Variants in CDC123 observed in about 807,000 individuals in gnomAD.
The protein encoded by CDC123 is cell division cycle 123.
CDC123 carries 37 observed loss-of-function variants against 54.4 expected under a neutral mutation model. That is an observed-to-expected ratio of 0.68 (90% CI 0.52 to 0.89). The LOEUF is 0.89. CDC123 is among the 40% of genes least tolerant of loss of function. The pLI, the probability that CDC123 is intolerant of heterozygous loss-of-function variation, is 0.00. For synonymous variants in CDC123, 144 were observed against 136.8 expected, an observed-to-expected ratio of 1.05 and a Z score of -0.37; for missense variants, 361 against 412.1, an observed-to-expected ratio of 0.88 and a Z score of 1.07.
intron 10 of CDC123, chr10:12,245,917 A>C (rs1473366892): frequency 2.7e-6 from 1 of 375,430 alleles, no homozygotes; most frequent in South Asian, 4.7e-5. Flanking sequence ...AGAAAATACA[A>C]AAATTAGCTG....
intron 6 of CDC123, among the ~76,000 whole-genome samples, chr10:12,230,561 CTG>C (rs1156895722): frequency 6.6e-6 from 1 of 152,164 alleles, no homozygotes; most frequent in African/African-American, 2.4e-5. Context: ...AGTGGGGTAT[CTG>C]TTCCACTCAA....
chr10:12,249,890 G>T, intron 12 of CDC123, 172 bp downstream of exon 12: 1 of 832,786 alleles, frequency 1.2e-6, no homozygotes, highest in Non-Finnish European at 1.8e-6. Flanking sequence ...AGGAGCTGAA[G>T]GCATAATTTA....
chr10:12,227,388 G>C (rs1249275310), intron 6 of CDC123, among the ~76,000 whole-genome samples: 1 of 152,082 alleles, frequency 6.6e-6, no homozygotes, highest in East Asian at 1.9e-4. Flanking sequence ...CTGGTCTATT[G>C]TTCTCTTACA....
chr10:12,244,664 T>A (rs1372128433), intron 10 of CDC123: 1 of 113,786 alleles, frequency 8.8e-6, no homozygotes, highest in Non-Finnish European at 1.9e-5. Context: ...TTTTTTTTTT[T>A]ACGTCCCCTT....
rs374983987 is a variant in CDC123 at position 12,196,207 on chromosome 10, G to C, written c.-39G>C. 4.1e-5 allele frequency: 66 copies of C among 1,613,580 alleles called. No homozygotes were observed. The highest frequency in any genetic ancestry group is 5.3e-5 in the Non-Finnish European group (62 of 1,179,952). Reference sequence around the variant, plus strand: ...GCGCCCAGAGTTCCGGGAGGGTGCAGGCAGGAGAGGGAAAGGCAGCAGCGG... The same window carrying C: ...GCGCCCAGAGTTCCGGGAGGGTGCACGCAGGAGAGGGAAAGGCAGCAGCGG... On this transcript the variant is annotated 5_prime_UTR_variant, in exon 1 of 13. Transcript: ENST00000281141.
At chr10:12,232,419 C>T (rs1835913529) in intron 7 of CDC123, among the ~76,000 whole-genome samples, 1 of 152,026 alleles carries the variant, frequency 6.6e-6, no homozygotes, top group Admixed American at 6.6e-5. Context: ...TGTACACATG[C>T]TTTCAAAATT....
chr10:12,226,483 G>C (rs967882548), intron 6 of CDC123, among the ~76,000 whole-genome samples: 2 of 149,232 alleles, frequency 1.3e-5, no homozygotes, highest in Admixed American at 6.6e-5. Context: ...GGGCGGAGGG[G>C]CTCCTCACTT....
At chr10:12,206,534 G>A (rs781370005) in intron 2 of CDC123, among the ~76,000 whole-genome samples, 8 of 152,210 alleles carry the variant, frequency 5.3e-5, no homozygotes, top group Non-Finnish European at 8.8e-5. Flanking sequence ...GGGGAAGGCC[G>A]GGTGCAGTGG....
rs74118727 is a variant in CDC123 at position 12,241,597 on chromosome 10, G to A, written c.717+3112G>A. On this transcript the variant is annotated intron_variant, in intron 10 of 12. Transcript: ENST00000281141. ...TTCTTGGGGCTTTAATGCCTGTTGCGTTTACAGACTCTCATCCGGGTTGGT... is the reference window on the plus strand; with the variant it reads ...TTCTTGGGGCTTTAATGCCTGTTGCATTTACAGACTCTCATCCGGGTTGGT... Among the ~76,000 whole-genome samples, 1,052 of 152,152 alleles carry A rather than the reference G, an allele frequency of 6.9e-3. 11 individuals carry two copies. The highest frequency in any genetic ancestry group is 0.024 in the African/African-American group (1,015 of 41,506).
chr10:12,216,274 G>A (rs1004390526), intron 5 of CDC123, among the ~76,000 whole-genome samples: 2 of 152,176 alleles, frequency 1.3e-5, no homozygotes, highest in Non-Finnish European at 2.9e-5. Flanking sequence ...GCATTGACAA[G>A]ATTTTTATAA....
At position 12,196,196 on chromosome 10, in the gene CDC123, G is replaced by A. The variant is rs1835340562; in HGVS notation, c.-50G>A. On this transcript the variant is annotated 5_prime_UTR_variant, in exon 1 of 13. Coordinates refer to ENST00000281141, the MANE Select transcript of CDC123 (RefSeq NM_006023.3). ...TTCCGGGGCCGGCGCCCAGAGTTCC[G>A]GGAGGGTGCAGGCAGGAGAGGGAAA... The A allele has an allele frequency of 1.2e-6, 2 of 1,613,060 alleles. No individual in the cohort carries two copies. Among genetic ancestry groups the A allele is most frequent in the Non-Finnish European group, 8.5e-7 (1 of 1,179,672 alleles).
At chr10:12,200,119 CA>C (rs1249770074) in intron 2 of CDC123, among the ~76,000 whole-genome samples, 4 of 24,284 alleles carry the variant, frequency 1.6e-4, no homozygotes, top group Admixed American at 1.2e-3. Flanking sequence ...CCGCACTCGG[CA>C]TTTTTTTTTT....
intron 7 of CDC123, 115 bp downstream of exon 7, chr10:12,231,111 AAAGCCACTGAAATTTTAAATTTAT>A: frequency 1.1e-6 from 1 of 871,978 alleles, no homozygotes; most frequent in Admixed American, 2.8e-5. Flanking sequence ...TCGGGAACCT[AAAGCCACTGAAATTTTAAATTTAT>A]GAAATATACA....
At chr10:12,249,771 A>C in intron 12 of CDC123, 53 bp downstream of exon 12, 1 of 1,541,358 alleles carries the variant, frequency 6.5e-7, no homozygotes. Context: ...TAGACCTTCA[A>C]ATTGGCTTTT....
chr10:12,212,679 A>G (rs976149395), intron 4 of CDC123, among the ~76,000 whole-genome samples: 2 of 152,170 alleles, frequency 1.3e-5, no homozygotes, highest in Non-Finnish European at 2.9e-5. Flanking sequence ...ACAAGTGGAA[A>G]ATTCCACACC....
chr10:12,206,663 T>C (rs886413873), intron 2 of CDC123, among the ~76,000 whole-genome samples: 8 of 151,978 alleles, frequency 5.3e-5, no homozygotes, highest in African/African-American at 1.9e-4. Context: ...AATACAAAAA[T>C]TATCTGGGCA....
chr10:12,240,463 T>C (rs1051278895), intron 10 of CDC123, among the ~76,000 whole-genome samples: 1 of 152,246 alleles, frequency 6.6e-6, no homozygotes, highest in Non-Finnish European at 1.5e-5. Flanking sequence ...ATATGGCCCA[T>C]ATGATCATGT....
chr10:12,206,688 G>A (rs1835523219), intron 2 of CDC123, among the ~76,000 whole-genome samples: 1 of 152,144 alleles, frequency 6.6e-6, no homozygotes, highest in Non-Finnish European at 1.5e-5. Context: ...GTCAGATGCG[G>A]TGGCTTATGC....
At chr10:12,219,891 C>T (rs138376146) in intron 6 of CDC123, among the ~76,000 whole-genome samples, 3,189 of 152,134 alleles carry the variant, frequency 0.021, 103 homozygotes, top group African/African-American at 0.072. Context: ...TGTTTCACCA[C>T]GTTAGCCAGG....
Sources: gnomAD v4.1 joint callset for allele counts (sites outside exome capture counted in the v4.1 genomes callset) on GRCh38, gnomAD v4.1.1 for gene constraint, MANE v1.5 for transcripts, NCBI Gene and HGNC (gene_info 2026-07-23, HGNC 2026-07-21) for gene names.